CFI: variants seen among roughly 807,000 people sequenced by gnomAD.
CFI encodes complement factor I, also known as C3B/C4B inactivator.
A neutral mutation model predicts 78.8 loss-of-function variants in CFI; 66 were observed. The observed-to-expected ratio is 0.84, with a 90% CI of 0.69 to 1.03. CFI has a LOEUF of 1.03. Ranked by LOEUF, CFI falls within the 50% of genes least tolerant of loss-of-function variation. The probability of loss-of-function intolerance (pLI) is 0.00; values close to 1 mark genes in which losing one functional copy is unlikely to be tolerated. For synonymous variants in CFI, 250 were observed against 232.6 expected (o/e 1.07, Z -0.68); for missense variants, 706 against 704.5 (o/e 1.00, Z -0.02).
intron 3 of CFI, among the ~76,000 whole-genome samples, chr4:109,763,739 C>T (rs1447790899): frequency 6.6e-6 from 1 of 151,740 alleles, no homozygotes; most frequent in Non-Finnish European, 1.5e-5. Flanking sequence ...AATACTCAGC[C>T]ACAAAGCAAG....
At chr4:109,767,577 A>G (rs902107897) in intron 1 of CFI, among the ~76,000 whole-genome samples, 2 of 151,244 alleles carry the variant, frequency 1.3e-5, no homozygotes, top group Admixed American at 6.6e-5. Context: ...CAAAACCACA[A>G]TGAGATACCA....
rs530437036 is a variant in CFI at position 109,783,341 on chromosome 4, A to G, written c.58-16517T>C. On this transcript the variant is annotated intron_variant, in intron 1 of 12. Transcript: ENST00000394634. The stretch of plus-strand genomic sequence containing the variant: ...TCATACAAATCAGTAAGAAAAAACA[A>G]TCCCATCAAAAAATGGGCTAGGGAC... Among the ~76,000 whole-genome samples the G allele has an allele frequency of 7.0e-4, 106 of 152,262 alleles. 2 individuals carry two copies. Among genetic ancestry groups the G allele is most frequent in the African/African-American group, 2.5e-3 (103 of 41,564 alleles).
chr4:109,777,100 A>G (rs1173327554), intron 1 of CFI, among the ~76,000 whole-genome samples: 1 of 152,242 alleles, frequency 6.6e-6, no homozygotes, highest in Non-Finnish European at 1.5e-5. Flanking sequence ...TCATAATGAC[A>G]GGATCAGATT....
chr4:109,755,322 G>A (rs1725991631), intron 7 of CFI, among the ~76,000 whole-genome samples: 1 of 152,134 alleles, frequency 6.6e-6, no homozygotes, highest in African/African-American at 2.4e-5. Flanking sequence ...GTAAGGACTG[G>A]TATATAACAG....
At chr4:109,754,725 A>G (rs1725912065) in intron 7 of CFI, among the ~76,000 whole-genome samples, 1 of 152,162 alleles carries the variant, frequency 6.6e-6, no homozygotes, top group South Asian at 2.1e-4. Flanking sequence ...TTTCTGGGGT[A>G]GAGAGAGGCT....
chr4:109,795,155 G>C (rs563421782), intron 1 of CFI, among the ~76,000 whole-genome samples: 1 of 152,158 alleles, frequency 6.6e-6, no homozygotes, highest in South Asian at 2.1e-4. Context: ...TCTCTTGTGG[G>C]GGAAAAAGAG....
chr4:109,765,096 C>T (rs998340742), intron 2 of CFI, among the ~76,000 whole-genome samples: 3 of 152,146 alleles, frequency 2.0e-5, no homozygotes, highest in South Asian at 2.1e-4. Flanking sequence ...TATGTATTCT[C>T]GTGTATTTAA....
At chr4:109,730,992 A>G in the CFI span, among the ~76,000 whole-genome samples, 1 of 152,194 alleles carries the variant, frequency 6.6e-6, no homozygotes, top group Non-Finnish European at 1.5e-5. Context: ...TCAGTTGTAA[A>G]TATCTGGTTA....
intron 12 of CFI, 160 bp from the exon 13 acceptor site, chr4:109,741,270 C>CAG (rs970474804): frequency 2.0e-6 from 2 of 985,320 alleles, no homozygotes; most frequent in African/African-American, 3.5e-5. Flanking sequence ...TGCAGAGTTG[C>CAG]AGAGATGCAG....
downstream of CFI, among the ~76,000 whole-genome samples, chr4:109,738,437 A>G (rs1342500746): frequency 1.3e-5 from 2 of 152,116 alleles, no homozygotes. Context: ...TCTCATACAC[A>G]GACATATTCT....
At chr4:109,776,640 C>T (rs1490250871) in intron 1 of CFI, among the ~76,000 whole-genome samples, 5 of 152,074 alleles carry the variant, frequency 3.3e-5, no homozygotes, top group South Asian at 2.1e-4. Context: ...AGATACTCCT[C>T]GAGAAGAGCA....
intron 7 of CFI, among the ~76,000 whole-genome samples, chr4:109,753,511 TATAAATAAATATTTA>T (rs1347363878): frequency 1.1e-3 from 35 of 32,460 alleles, no homozygotes; most frequent in African/African-American, 2.9e-3. Context: ...ATATTTATTA[TATAAATAAATATTTA>T]TAATAAATAT....
At chr4:109,771,951 G>A (rs1190939355) in intron 1 of CFI, among the ~76,000 whole-genome samples, 1 of 152,144 alleles carries the variant, frequency 6.6e-6, no homozygotes, top group Admixed American at 6.6e-5. Context: ...AAACAAGGTT[G>A]AGGAGGGGAT....
chr4:109,786,365 G>A (rs1238594663), intron 1 of CFI, among the ~76,000 whole-genome samples: 1 of 152,060 alleles, frequency 6.6e-6, no homozygotes, highest in Non-Finnish European at 1.5e-5. Context: ...CAGTGACATA[G>A]CAATTATTTT....
intron 4 of CFI, among the ~76,000 whole-genome samples, chr4:109,761,181 A>G (rs1727009868): frequency 6.6e-6 from 1 of 152,208 alleles, no homozygotes; most frequent in Non-Finnish European, 1.5e-5. Context: ...AAATTCATAT[A>G]TGCTGGCCCT....
intron 1 of CFI, among the ~76,000 whole-genome samples, chr4:109,784,316 G>A (rs1202142075): frequency 6.6e-6 from 1 of 152,086 alleles, no homozygotes; most frequent in Non-Finnish European, 1.5e-5. Flanking sequence ...AATAGAAAGA[G>A]GGAAATAAGC....
intron 3 of CFI, among the ~76,000 whole-genome samples, chr4:109,763,588 T>C (rs7439356): frequency 0.61 from 92,439 of 151,898 alleles, 30,106 homozygotes; most frequent in Non-Finnish European, 0.74. Flanking sequence ...ATGTGCTGTT[T>C]ATAAGGAACA....
At chr4:109,741,719 C>T (rs934159751) in intron 12 of CFI, among the ~76,000 whole-genome samples, 4 of 152,286 alleles carry the variant, frequency 2.6e-5, no homozygotes, top group Non-Finnish European at 4.4e-5. Context: ...GATGGGAGGA[C>T]ACTTTCTTCT....
At position 109,749,476 on chromosome 4, in the gene CFI, T is replaced by C. The variant is rs775378373; in HGVS notation, c.1044+23A>G. 8.2e-6 allele frequency: 13 copies of C among 1,584,306 alleles called. No homozygotes were observed. In the South Asian group the frequency reaches 1.2e-4, roughly 15 times the overall value. Reference sequence around the variant, plus strand: ...TTAGGCTGTTTCTGGGCAGTTGCATTGTGACTTTTCATGCGACTTTACCAG... The same window carrying C: ...TTAGGCTGTTTCTGGGCAGTTGCATCGTGACTTTTCATGCGACTTTACCAG... On this transcript the variant is annotated intron_variant, in intron 9 of 12. Coordinates refer to ENST00000394634, the MANE Select transcript of CFI (RefSeq NM_000204.5).
Sources: gnomAD v4.1 joint callset for allele counts (sites outside exome capture counted in the v4.1 genomes callset) on GRCh38, gnomAD v4.1.1 for gene constraint, MANE v1.5 for transcripts, NCBI Gene and HGNC (gene_info 2026-07-23, HGNC 2026-07-21) for gene names.